The following SESTD1 variants were observed in gnomAD, a reference collection of about 807,000 sequenced individuals.
SESTD1 encodes SEC14 domain and spectrin repeat-containing protein 1.
Under a neutral mutation model 101.7 loss-of-function variants are expected in SESTD1, and 43 were observed. That is an observed-to-expected ratio of 0.42 (90% CI 0.33 to 0.55). The LOEUF is 0.55. Among genes scored for constraint, SESTD1 ranks in the 20% least tolerant of loss-of-function variants. The pLI is 0.07. For synonymous variants in SESTD1, 283 were observed against 286.8 expected, an observed-to-expected ratio of 0.99 and a Z score of 0.13; for missense variants, 647 against 815.1, an observed-to-expected ratio of 0.79 and a Z score of 2.51.
chr2:179,127,013 AAATT>A (rs1289610091), intron 10 of SESTD1, among the ~76,000 whole-genome samples: 2 of 152,122 alleles, frequency 1.3e-5, no homozygotes, highest in East Asian at 1.9e-4. Context: ...CTTAAAACAT[AAATT>A]AATTATCTGT....
chr2:179,247,034 T>G (rs2047242564), intron 1 of SESTD1, among the ~76,000 whole-genome samples: 1 of 152,194 alleles, frequency 6.6e-6, no homozygotes, highest in Non-Finnish European at 1.5e-5. Flanking sequence ...ACTTTCAGAT[T>G]CCACTTGGGC....
chr2:179,197,460 A>G (rs1389355222), intron 1 of SESTD1, among the ~76,000 whole-genome samples: 3 of 152,108 alleles, frequency 2.0e-5, no homozygotes, highest in Admixed American at 6.5e-5. Context: ...TACAGAGAAC[A>G]CCACAAAGAT....
At chr2:179,191,904 A>T in intron 1 of SESTD1, 38 bp from the exon 2 acceptor site, 1 of 1,342,500 alleles carries the variant, frequency 7.4e-7, no homozygotes, top group Admixed American at 1.8e-5. Flanking sequence ...CTACAAGACA[A>T]CAATTATTCC....
At chr2:179,233,292 T>G (rs1048723892) in intron 1 of SESTD1, among the ~76,000 whole-genome samples, 1 of 152,208 alleles carries the variant, frequency 6.6e-6, no homozygotes, top group Non-Finnish European at 1.5e-5. Flanking sequence ...TTACTTTTTG[T>G]ATATTCTAAG....
At chr2:179,257,473 T>C (rs972278807) in intron 1 of SESTD1, among the ~76,000 whole-genome samples, 8 of 152,256 alleles carry the variant, frequency 5.3e-5, no homozygotes, top group African/African-American at 1.7e-4. Flanking sequence ...ATAACTTTTA[T>C]ATGCACTGAG....
intron 1 of SESTD1, among the ~76,000 whole-genome samples, chr2:179,230,113 C>CTCTTTTTTT (rs2046962437): frequency 3.5e-5 from 2 of 56,420 alleles, no homozygotes; most frequent in African/African-American, 1.2e-4. Flanking sequence ...GATTGTATCT[C>CTCTTTTTTT]TTTTTTTTTT....
In SESTD1 at chr2:179,211,503, C is replaced by T. The variant is rs1172208375; in HGVS notation, c.-25-19637G>A. ...GAACAAAATAGAGAACCCAGAAATA[C>T]GGCAAATATTTACAGCCAACTGAAC... On this transcript the variant is annotated intron_variant, in intron 1 of 17. Transcript: ENST00000428443. 2.3e-5 allele frequency among the ~76,000 whole-genome samples: 3 copies of T among 133,256 alleles called. 1 individual carries two copies. The highest frequency in any genetic ancestry group is 2.0e-4 in the East Asian group (1 of 5,020). The allele number at this position is 133,256 out of a possible 152,430, so 87.4% of individuals were successfully genotyped here.
Position 179,102,368 on chromosome 2 carries a change from CAAA to C in SESTD1, c.*7528_*7530del, listed in dbSNP as rs2044290675. On this transcript the variant is annotated 3_prime_UTR_variant, in exon 18 of 18. Transcript: ENST00000428443. Reference sequence around the variant, plus strand: ...TTACAAAAAATAACTCAAATTGATTCAAAGATGCAGAATTCATCAGATTATCTT... The same window carrying C: ...TTACAAAAAATAACTCAAATTGATTCGATGCAGAATTCATCAGATTATCTT... 6.6e-6 allele frequency: 1 copy of C among 152,006 alleles called. No homozygotes were observed. Among genetic ancestry groups the C allele is most frequent in the Non-Finnish European group, 1.5e-5 (1 of 67,996 alleles). The allele number at this position is 152,006 out of a possible 1,614,324, so 9.4% of individuals were successfully genotyped here.
intron 5 of SESTD1, among the ~76,000 whole-genome samples, chr2:179,162,189 CA>C (rs1422240632): frequency 6.6e-6 from 1 of 151,694 alleles, no homozygotes; most frequent in Non-Finnish European, 1.5e-5. Flanking sequence ...GAGCAACTGA[CA>C]AATCTCCCAA....
chr2:179,109,560 T>C lies in SESTD1; in HGVS notation c.*339A>G. 1 of 396,898 alleles carries C rather than the reference T, an allele frequency of 2.5e-6. No individual in the cohort carries two copies. Among genetic ancestry groups the C allele is most frequent in the East Asian group, 3.6e-5 (1 of 27,998 alleles). The allele number at this position is 396,898 out of a possible 1,614,324, so 24.6% of individuals were successfully genotyped here. A position where few individuals can be genotyped will look rare whatever the true frequency, so the allele number is the denominator to read the frequency against. On this transcript the variant is annotated 3_prime_UTR_variant, in exon 18 of 18. Coordinates refer to ENST00000428443, the MANE Select transcript of SESTD1 (RefSeq NM_178123.5). ...AGGAAGGGCAACTTTTTTTTTTCTT[T>C]TTAATAGAGAGAATTCCTACTCTTA...
intron 1 of SESTD1, among the ~76,000 whole-genome samples, chr2:179,251,421 G>A (rs892457486): frequency 2.0e-5 from 3 of 152,198 alleles, no homozygotes; most frequent in Admixed American, 6.5e-5. Context: ...TCACATAGGG[G>A]TGGATGAAGA....
chr2:179,230,294 T>C (rs1286188536), intron 1 of SESTD1, among the ~76,000 whole-genome samples: 1 of 151,562 alleles, frequency 6.6e-6, no homozygotes, highest in Non-Finnish European at 1.5e-5. Flanking sequence ...CACCACCATA[T>C]CCGGCTAATT....
intron 1 of SESTD1, among the ~76,000 whole-genome samples, chr2:179,235,680 C>T (rs974079055): frequency 2.0e-5 from 3 of 152,150 alleles, no homozygotes; most frequent in Admixed American, 6.5e-5. Context: ...TTCCTGACTC[C>T]ACTCACCCGC....
At chr2:179,133,824 C>T (rs1378342366) in intron 9 of SESTD1, among the ~76,000 whole-genome samples, 1 of 152,126 alleles carries the variant, frequency 6.6e-6, no homozygotes, top group Non-Finnish European at 1.5e-5. Flanking sequence ...AGAAAAATCA[C>T]ATAAGCGCTC....
At chr2:179,228,927 G>C (rs2046932403) in intron 1 of SESTD1, among the ~76,000 whole-genome samples, 1 of 152,130 alleles carries the variant, frequency 6.6e-6, no homozygotes, top group Non-Finnish European at 1.5e-5. Context: ...GTGGGGGCTG[G>C]AGGCAAGGAC....
rs1182347502 is a variant in SESTD1, at chr2:179,109,615, G to GT, written c.*283dup. The GT allele has an allele frequency of 4.5e-6, 2 of 443,202 alleles. No homozygotes were observed. The highest frequency in any genetic ancestry group is 7.9e-6 in the Non-Finnish European group (2 of 251,766). The allele number at this position is 443,202 out of a possible 1,614,324, so 27.5% of individuals were successfully genotyped here. On this transcript the variant is annotated 3_prime_UTR_variant, in exon 18 of 18. Coordinates refer to ENST00000428443, the MANE Select transcript of SESTD1 (RefSeq NM_178123.5). ...CACCATTCAAAGCTTATTATCAGTT[G>GT]TTTGTCTACAAACTGACAGGTCAGG...
chr2:179,110,055 C>T, intron 17 of SESTD1, 27 bp from the exon 18 acceptor site: 1 of 1,610,536 alleles, frequency 6.2e-7, no homozygotes, highest in East Asian at 2.2e-5. Flanking sequence ...ACAGAAAAAC[C>T]TCAGATTAAT....
In SESTD1 at chr2:179,106,252, C is replaced by T. The variant is rs2044380032; in HGVS notation, c.*3647G>A. 6.6e-6 allele frequency: 1 copy of T among 152,126 alleles called. No individual in the cohort carries two copies. Among genetic ancestry groups the T allele is most frequent in the Non-Finnish European group, 1.5e-5 (1 of 68,016 alleles). 9.4% of individuals were successfully genotyped at this position (152,126 alleles called of 1,614,324 possible). A position where few individuals can be genotyped will look rare whatever the true frequency, so the allele number is the denominator to read the frequency against. ...TGCTTGTTTCTGCCTGTACCATTCCCTATAGGCTGAAGATGTAAAGGACAT... is the reference window on the plus strand; with the variant it reads ...TGCTTGTTTCTGCCTGTACCATTCCTTATAGGCTGAAGATGTAAAGGACAT... On this transcript the variant is annotated 3_prime_UTR_variant, in exon 18 of 18. Coordinates refer to ENST00000428443, the MANE Select transcript of SESTD1 (RefSeq NM_178123.5).
intron 5 of SESTD1, among the ~76,000 whole-genome samples, chr2:179,152,760 T>C (rs1027277323): frequency 1.2e-4 from 18 of 152,264 alleles, no homozygotes; most frequent in Non-Finnish European, 1.5e-4. Flanking sequence ...TACAACAAAT[T>C]GCTATTGATA....
Sources: allele counts gnomAD v4.1 joint callset (sites outside exome capture counted in the v4.1 genomes callset), GRCh38; gene constraint gnomAD v4.1.1; transcripts MANE v1.5; gene names NCBI Gene and HGNC (gene_info 2026-07-23, HGNC 2026-07-21).